MEIS2: variants seen among roughly 807,000 people sequenced by gnomAD.
MEIS2 encodes homeobox protein Meis2.
In MEIS2, 9 loss-of-function variants were observed where a neutral mutation model predicts 58.6. The observed-to-expected ratio is 0.15, with a 90% confidence interval of 0.09 to 0.27. The LOEUF (loss-of-function observed/expected upper bound fraction) is 0.27. MEIS2 is among the 10% of genes least tolerant of loss of function. The probability of loss-of-function intolerance (pLI) is 1.00; values close to 1 mark genes in which losing one functional copy is unlikely to be tolerated. For missense variants in MEIS2, 427 were observed against 635.0 expected (o/e 0.67, Z 3.52); for synonymous variants, 221 against 228.4 (o/e 0.97, Z 0.29).
At chr15:37,052,137 AT>A (rs2062945284) in intron 7 of MEIS2, among the ~76,000 whole-genome samples, 1 of 152,220 alleles carries the variant, frequency 6.6e-6, no homozygotes, top group African/African-American at 2.4e-5. Context: ...GGAAAACCAC[AT>A]CATTCATGAA....
At chr15:36,992,353 C>T (rs1293944334) in intron 8 of MEIS2, among the ~76,000 whole-genome samples, 1 of 152,076 alleles carries the variant, frequency 6.6e-6, no homozygotes, top group Non-Finnish European at 1.5e-5. Context: ...GTAATAGTGA[C>T]AAGTGTTACA....
intron 9 of MEIS2, among the ~76,000 whole-genome samples, chr15:36,938,300 T>A (rs558949814): frequency 1.3e-5 from 2 of 150,148 alleles, no homozygotes; most frequent in South Asian, 4.2e-4. Flanking sequence ...GTGCTTCCTG[T>A]TATTCTGACC....
At chr15:36,939,108 C>T (rs755418467) in intron 9 of MEIS2, among the ~76,000 whole-genome samples, 2 of 152,178 alleles carry the variant, frequency 1.3e-5, no homozygotes, top group East Asian at 1.9e-4. Context: ...ACTACTAAAA[C>T]AGTTCTTCCT....
At chr15:36,913,743 A>AT (rs2057149907) in intron 9 of MEIS2, among the ~76,000 whole-genome samples, 1 of 151,790 alleles carries the variant, frequency 6.6e-6, no homozygotes, top group Non-Finnish European at 1.5e-5. Flanking sequence ...GAAAAAAAAA[A>AT]GCTTAAGGAG....
At chr15:37,079,343 G>A (rs1387066377) in intron 7 of MEIS2, among the ~76,000 whole-genome samples, 1 of 152,100 alleles carries the variant, frequency 6.6e-6, no homozygotes, top group Non-Finnish European at 1.5e-5. Flanking sequence ...GAAGCAACTA[G>A]CAAAAGATTA....
At chr15:36,924,815 G>T (rs1007384813) in intron 9 of MEIS2, among the ~76,000 whole-genome samples, 1 of 152,184 alleles carries the variant, frequency 6.6e-6, no homozygotes. Flanking sequence ...TGTCTCCGCA[G>T]CAAGTGTGAC....
intron 8 of MEIS2, among the ~76,000 whole-genome samples, chr15:36,970,357 T>A (rs943023252): frequency 1.3e-5 from 2 of 150,122 alleles, no homozygotes; most frequent in Non-Finnish European, 3.0e-5. Flanking sequence ...TGAGCCGAGA[T>A]CGCGCCACTG....
chr15:36,986,614 CCTGAGGTATCAATCCCAGCA>C (rs1405673191), intron 8 of MEIS2, among the ~76,000 whole-genome samples: 1 of 152,182 alleles, frequency 6.6e-6, no homozygotes, highest in Non-Finnish European at 1.5e-5. Flanking sequence ...AGGCCCAGCT[CCTGAGGTATCAATCCCAGCA>C]CTAGCTGGGT....
intron 6 of MEIS2, among the ~76,000 whole-genome samples, chr15:37,085,329 T>C (rs1397110028): frequency 6.6e-6 from 1 of 152,158 alleles, no homozygotes; most frequent in Non-Finnish European, 1.5e-5. Context: ...CCATTATGTA[T>C]AGTTCATCAA....
At chr15:36,918,015 G>C (rs950009287) in intron 9 of MEIS2, among the ~76,000 whole-genome samples, 4 of 152,106 alleles carry the variant, frequency 2.6e-5, no homozygotes, top group Non-Finnish European at 5.9e-5. Flanking sequence ...CACAATTCTT[G>C]ATCCCCTTTA....
intron 8 of MEIS2, among the ~76,000 whole-genome samples, chr15:37,000,771 C>T (rs553469654): frequency 4.6e-5 from 7 of 152,146 alleles, no homozygotes; most frequent in South Asian, 2.1e-4. Flanking sequence ...TGTTTACAAA[C>T]GTGCATGAGC....
chr15:37,032,690 A>G (rs1168660914), intron 8 of MEIS2, among the ~76,000 whole-genome samples: 1 of 152,134 alleles, frequency 6.6e-6, no homozygotes, highest in African/African-American at 2.4e-5. Context: ...GTATACAGAA[A>G]GTTTTTGCTA....
rs190284150 is a variant in MEIS2, at chr15:37,003,661, A to G, written c.900+33153T>C. On this transcript the variant is annotated intron_variant, in intron 8 of 11. Transcript: ENST00000561208. ...ATTTCTTCCTAAAATATTGTTCCCC[A>G]TGATACAGTGTGCTATAGACTGAAT... Among the ~76,000 whole-genome samples the G allele has an allele frequency of 3.2e-3, 483 of 152,290 alleles. 1 individual carries two copies. Among genetic ancestry groups the G allele is most frequent in the African/African-American group, 0.011 (465 of 41,560 alleles).
chr15:36,971,536 T>TAAAAAAAAAAAAAAAAAAA (rs1567126001), intron 8 of MEIS2, among the ~76,000 whole-genome samples: 1,570 of 65,342 alleles, frequency 0.024, 412 homozygotes, highest in African/African-American at 0.031. Context: ...CCTTGTTACA[T>TAAAAAAAAAAAAAAAAAAA]TAAAAAAAAA....
intron 9 of MEIS2, among the ~76,000 whole-genome samples, chr15:36,912,646 G>A (rs2057086520): frequency 6.6e-6 from 1 of 152,168 alleles, no homozygotes; most frequent in Admixed American, 6.5e-5. Flanking sequence ...GCCTTGCAAT[G>A]AGGCGACATC....
intron 9 of MEIS2, among the ~76,000 whole-genome samples, chr15:36,905,513 G>A (rs765715249): frequency 1.8e-4 from 28 of 152,018 alleles, no homozygotes; most frequent in Non-Finnish European, 3.7e-4. Context: ...TTTCTCTAGG[G>A]GCATGTGTGT....
intron 8 of MEIS2, among the ~76,000 whole-genome samples, chr15:37,018,597 G>A (rs1264671927): frequency 2.0e-5 from 3 of 152,100 alleles, no homozygotes; most frequent in Admixed American, 1.3e-4. Context: ...TTTGGAGTCC[G>A]AGTATTAAAG....
At chr15:37,068,566 T>A (rs1386810168) in intron 7 of MEIS2, among the ~76,000 whole-genome samples, 1 of 152,240 alleles carries the variant, frequency 6.6e-6, no homozygotes, top group African/African-American at 2.4e-5. Context: ...GCACTCATTA[T>A]GAGGGTGCTA....
intron 8 of MEIS2, among the ~76,000 whole-genome samples, chr15:36,992,038 C>T (rs1395283101): frequency 1.5e-5 from 2 of 134,338 alleles, no homozygotes; most frequent in East Asian, 2.4e-4. Context: ...CCGCCCGCCT[C>T]GGCCTCCCAA....
Sources: allele counts gnomAD v4.1 joint callset (sites outside exome capture counted in the v4.1 genomes callset), GRCh38; gene constraint gnomAD v4.1.1; transcripts MANE v1.5; gene names NCBI Gene and HGNC (gene_info 2026-07-23, HGNC 2026-07-21).